The following TMEM232 variants were observed in gnomAD, a reference collection of about 807,000 sequenced individuals.
TMEM232 encodes transmembrane protein 232.
TMEM232 carries 80 observed loss-of-function variants against 78.8 expected under a neutral mutation model. That is an observed-to-expected ratio of 1.01 (90% CI 0.85 to 1.22). TMEM232 has a LOEUF of 1.22. Among genes scored for constraint, TMEM232 ranks in the 50% most tolerant of loss-of-function variants. TMEM232 has a pLI of 0.00. For missense variants in TMEM232, 881 were observed against 742.2 expected (o/e 1.19, Z -2.17); for synonymous variants, 297 against 254.3 (o/e 1.17, Z -1.60).
chr5:110,520,749 T>C (rs1427000632), intron 12 of TMEM232, among the ~76,000 whole-genome samples: 1 of 152,054 alleles, frequency 6.6e-6, no homozygotes, highest in Non-Finnish European at 1.5e-5. Context: ...AGAAACCCCA[T>C]CTCTACTAAA....
intron 2 of TMEM232, among the ~76,000 whole-genome samples, chr5:110,650,683 T>A (rs911930977): frequency 6.6e-6 from 1 of 152,052 alleles, no homozygotes; most frequent in Non-Finnish European, 1.5e-5. Context: ...AAAAACAAAG[T>A]CTGAGAAACT....
intron 5 of TMEM232, among the ~76,000 whole-genome samples, chr5:110,633,845 T>C (rs1785464369): frequency 6.6e-6 from 1 of 152,176 alleles, no homozygotes; most frequent in African/African-American, 2.4e-5. Context: ...AAACTTCACA[T>C]ATCAATAATA....
Position 110,654,665 on chromosome 5 carries a change from T to C in TMEM232, c.126-12294A>G, listed in dbSNP as rs367763328. ...TGGTTCCATATGAACTTTAAAGTAGTTTTTTCCAATTCTGTGAAGAAAGTC... is the reference window on the plus strand; with the variant it reads ...TGGTTCCATATGAACTTTAAAGTAGCTTTTTCCAATTCTGTGAAGAAAGTC... On this transcript the variant is annotated intron_variant, in intron 2 of 13. Coordinates refer to ENST00000455884, the MANE Select transcript of TMEM232 (RefSeq NM_001039763.4). Among the ~76,000 whole-genome samples the C allele has an allele frequency of 8.2e-4, 125 of 152,290 alleles. 2 individuals are homozygous for C. The East Asian group carries it at 0.022, about 27-fold the overall frequency.
At chr5:110,540,087 T>G (rs1390350526) in intron 11 of TMEM232, among the ~76,000 whole-genome samples, 1 of 152,196 alleles carries the variant, frequency 6.6e-6, no homozygotes, top group Non-Finnish European at 1.5e-5. Flanking sequence ...AAGTTAAAAA[T>G]AGGCTCTCAC....
intron 8 of TMEM232, among the ~76,000 whole-genome samples, chr5:110,611,667 A>G (rs2149858278): frequency 6.6e-6 from 1 of 152,262 alleles, no homozygotes; most frequent in Middle Eastern, 3.4e-3. Context: ...CAGCTTCCGT[A>G]TCACATAAAA....
chr5:110,515,091 T>G (rs889522654), intron 12 of TMEM232, among the ~76,000 whole-genome samples: 1 of 152,218 alleles, frequency 6.6e-6, no homozygotes, highest in African/African-American at 2.4e-5. Context: ...TCTGAACTTA[T>G]GGTTGCAAAT....
intron 12 of TMEM232, among the ~76,000 whole-genome samples, chr5:110,488,344 G>C (rs888082496): frequency 3.3e-5 from 5 of 151,792 alleles, no homozygotes; most frequent in Non-Finnish European, 7.4e-5. Flanking sequence ...AACAAAACAG[G>C]CTACAATACA....
chr5:110,561,425 T>C (rs1775731256), intron 11 of TMEM232, among the ~76,000 whole-genome samples: 1 of 151,950 alleles, frequency 6.6e-6, no homozygotes, highest in Non-Finnish European at 1.5e-5. Context: ...ATATATAAAA[T>C]ACGGTTTTAT....
intron 12 of TMEM232, among the ~76,000 whole-genome samples, chr5:110,483,840 C>T (rs1450667417): frequency 6.6e-6 from 1 of 151,924 alleles, no homozygotes; most frequent in Non-Finnish European, 1.5e-5. Flanking sequence ...TATTGTTCTA[C>T]CAAAAAGACA....
intron 1 of TMEM232, among the ~76,000 whole-genome samples, chr5:110,719,213 ATATG>A (rs1173559972): frequency 6.6e-6 from 1 of 151,860 alleles, no homozygotes; most frequent in African/African-American, 2.4e-5. Flanking sequence ...ATATGTGTAT[ATATG>A]TATATATGTG....
At chr5:110,689,281 T>A (rs774724426) in intron 1 of TMEM232, among the ~76,000 whole-genome samples, 7 of 152,010 alleles carry the variant, frequency 4.6e-5, no homozygotes, top group Non-Finnish European at 1.0e-4. Context: ...AGTCTTGGAG[T>A]AGCCAATTTA....
At chr5:110,432,861 T>G (rs1758010916) in intron 12 of TMEM232, among the ~76,000 whole-genome samples, 1 of 151,666 alleles carries the variant, frequency 6.6e-6, no homozygotes, top group Admixed American at 6.6e-5. Context: ...AAATTAACTT[T>G]AAACCAACAA....
At chr5:110,461,883 T>C (rs868658768) in intron 12 of TMEM232, among the ~76,000 whole-genome samples, 2 of 152,126 alleles carry the variant, frequency 1.3e-5, no homozygotes, top group South Asian at 4.1e-4. Context: ...GGAACTACTG[T>C]TCCTAAAAAA....
chr5:110,660,289 A>G (rs957615156), intron 2 of TMEM232, among the ~76,000 whole-genome samples: 2 of 152,092 alleles, frequency 1.3e-5, no homozygotes, highest in African/African-American at 2.4e-5. Context: ...AATATTCTAG[A>G]GGAAAAAAGA....
chr5:110,679,892 C>T (rs687253), intron 1 of TMEM232, among the ~76,000 whole-genome samples: 148,311 of 152,284 alleles, frequency 0.97, 72,312 homozygotes, highest in Non-Finnish European at 1. Context: ...TTTTTCATTT[C>T]ATGGTAATTA....
Position 110,617,204 on chromosome 5 carries a change from T to C in TMEM232, c.902+1225A>G, listed in dbSNP as rs138020049. Among the ~76,000 whole-genome samples, 9 of 152,266 alleles carry C rather than the reference T, an allele frequency of 5.9e-5. No individual in the cohort carries two copies. The East Asian group carries it at 9.7e-4, about 16-fold the overall frequency. On this transcript the variant is annotated intron_variant, in intron 8 of 13. Transcript: ENST00000455884. The stretch of plus-strand genomic sequence containing the variant: ...TAAATACTGCATAACCTCACTTCTA[T>C]GTGGAATCTATAAAAGCCGAACTTG...
At chr5:110,669,048 C>G (rs7730817) in intron 1 of TMEM232, among the ~76,000 whole-genome samples, 190 of 152,084 alleles carry the variant, frequency 1.2e-3, no homozygotes, top group Non-Finnish European at 2.1e-3. Context: ...AATTGAAACC[C>G]TAACATCACA....
At chr5:110,596,816 T>C (rs1245751511) in intron 10 of TMEM232, among the ~76,000 whole-genome samples, 2 of 152,070 alleles carry the variant, frequency 1.3e-5, no homozygotes, top group African/African-American at 2.4e-5. Context: ...ATGCAACAAC[T>C]CTTTATGCTA....
chr5:110,735,009 C>T (rs1477301619), exon 2 of TMEM232: 1 of 152,056 alleles, frequency 6.6e-6, no homozygotes, highest in Non-Finnish European at 1.5e-5. Flanking sequence ...ACAGTGATGC[C>T]CTGTCTCTAA....
Sources: gnomAD v4.1 joint callset for allele counts (sites outside exome capture counted in the v4.1 genomes callset) on GRCh38, gnomAD v4.1.1 for gene constraint, MANE v1.5 for transcripts, NCBI Gene and HGNC (gene_info 2026-07-23, HGNC 2026-07-21) for gene names.